The following NKAIN3 variants were observed in gnomAD, a reference collection of about 807,000 sequenced individuals.
The protein encoded by NKAIN3 is sodium/potassium transporting ATPase interacting 3, also known as sodium/potassium-transporting ATPase subunit beta-1-interacting protein 3.
In NKAIN3, 25 loss-of-function variants were observed where a neutral mutation model predicts 30.2. The observed-to-expected ratio is 0.83, with a 90% CI of 0.60 to 1.16. NKAIN3 has a LOEUF of 1.16. Among genes scored for constraint, NKAIN3 ranks in the 50% most tolerant of loss-of-function variants. The pLI, the probability that NKAIN3 is intolerant of heterozygous loss-of-function variation, is 0.00. For missense variants in NKAIN3, 225 were observed against 254.1 expected (o/e 0.89, Z 0.78); for synonymous variants, 91 against 89.6 (o/e 1.02, Z -0.09).
chr8:62,530,014 T>A, intron 1 of NKAIN3, among the ~76,000 whole-genome samples: 1 of 152,172 alleles, frequency 6.6e-6, no homozygotes, highest in East Asian at 1.9e-4. Flanking sequence ...CTGACTCAGT[T>A]TGGTTACTCT....
chr8:62,657,241 A>G (rs1812788039), intron 3 of NKAIN3, among the ~76,000 whole-genome samples: 1 of 152,214 alleles, frequency 6.6e-6, no homozygotes, highest in Non-Finnish European at 1.5e-5. Flanking sequence ...TCATAAGTAT[A>G]CAATAAAACT....
chr8:62,970,073 A>T lies in NKAIN3; in HGVS notation c.*4666A>T, dbSNP rs1465406652. ...ACAAAAAATACCTAAAAAAAAATTT[A>T]AATTAGCCAAGCATGGTGGCATGTA... On this transcript the variant is annotated 3_prime_UTR_variant, in exon 7 of 7. Transcript: ENST00000623646. Among the ~76,000 whole-genome samples, 1 of 152,060 alleles carries T rather than the reference A, an allele frequency of 6.6e-6. No homozygotes were observed. The highest frequency in any genetic ancestry group is 1.5e-5 in the Non-Finnish European group (1 of 68,014).
intron 4 of NKAIN3, among the ~76,000 whole-genome samples, chr8:62,830,832 A>G (rs1364813897): frequency 6.6e-6 from 1 of 152,194 alleles, no homozygotes; most frequent in Non-Finnish European, 1.5e-5. Flanking sequence ...CACACGTCTC[A>G]GTGCTTAGTG....
At chr8:62,551,311 T>A (rs1425773219) in intron 1 of NKAIN3, among the ~76,000 whole-genome samples, 3 of 152,130 alleles carry the variant, frequency 2.0e-5, no homozygotes, top group Non-Finnish European at 2.9e-5. Flanking sequence ...ACTTCTGTAA[T>A]CTGAACAGTC....
intron 1 of NKAIN3, among the ~76,000 whole-genome samples, chr8:62,265,206 G>C (rs1258622664): frequency 6.6e-6 from 1 of 152,122 alleles, no homozygotes; most frequent in Non-Finnish European, 1.5e-5. Context: ...GAGAGTACAC[G>C]TATCCTTCTT....
chr8:62,892,147 T>G (rs896909013), intron 4 of NKAIN3, among the ~76,000 whole-genome samples: 4 of 152,200 alleles, frequency 2.6e-5, no homozygotes, highest in African/African-American at 9.7e-5. Flanking sequence ...ATACAACCAT[T>G]TAATTACTTT....
At chr8:62,527,421 A>G (rs1808338837) in intron 1 of NKAIN3, among the ~76,000 whole-genome samples, 1 of 152,222 alleles carries the variant, frequency 6.6e-6, no homozygotes. Context: ...TCAGGACAAC[A>G]GACCAGATAA....
intron 1 of NKAIN3, among the ~76,000 whole-genome samples, chr8:62,304,980 T>C (rs1164497632): frequency 2.0e-5 from 3 of 150,542 alleles, no homozygotes; most frequent in East Asian, 1.9e-4. Context: ...TCATTAGCTA[T>C]GTCACCTTGG....
chr8:62,280,735 G>A (rs189802585), intron 1 of NKAIN3, among the ~76,000 whole-genome samples: 222 of 152,202 alleles, frequency 1.5e-3, no homozygotes, highest in African/African-American at 4.9e-3. Flanking sequence ...CAACTTGATC[G>A]TGGTGGATAA....
intron 3 of NKAIN3, among the ~76,000 whole-genome samples, chr8:62,630,186 G>A (rs1027130667): frequency 1.3e-5 from 2 of 152,030 alleles, no homozygotes; most frequent in African/African-American, 4.8e-5. Context: ...ATAGAGTTCA[G>A]TACTATTCTC....
At chr8:62,255,023 A>G (rs925576543) in intron 1 of NKAIN3, among the ~76,000 whole-genome samples, 6 of 152,224 alleles carry the variant, frequency 3.9e-5, no homozygotes, top group East Asian at 3.8e-4. Context: ...TTCGTCCTCT[A>G]AAAAGATACA....
chr8:62,397,742 G>A (rs991769167), intron 1 of NKAIN3, among the ~76,000 whole-genome samples: 8 of 152,108 alleles, frequency 5.3e-5, no homozygotes, highest in East Asian at 3.9e-4. Context: ...CCCTGGAGTC[G>A]GCGCTACGGC....
intron 3 of NKAIN3, among the ~76,000 whole-genome samples, chr8:62,715,450 A>G (rs927489534): frequency 6.6e-6 from 1 of 152,200 alleles, no homozygotes; most frequent in Non-Finnish European, 1.5e-5. Flanking sequence ...ATTCAAATGT[A>G]ACTGAGAATG....
rs1824120948 is a variant in NKAIN3 at position 62,983,065 on chromosome 8, C to T, written c.*17658C>T. ...GTTTCACTGCAGGTAGCTACCATAC[C>T]AGCATTTGGTAAACTAGCTCCCTAG... On this transcript the variant is annotated 3_prime_UTR_variant, in exon 7 of 7. Coordinates refer to ENST00000623646, the MANE Select transcript of NKAIN3 (RefSeq NM_001304533.3). 6.6e-6 allele frequency: 1 copy of T among 152,134 alleles called. No homozygotes were observed. The highest frequency in any genetic ancestry group is 1.5e-5 in the Non-Finnish European group (1 of 68,040). The allele number at this position is 152,134 out of a possible 1,614,324, so 9.4% of individuals were successfully genotyped here.
intron 5 of NKAIN3, among the ~76,000 whole-genome samples, chr8:62,949,443 T>C (rs1390439090): frequency 6.6e-6 from 1 of 152,246 alleles, no homozygotes; most frequent in African/African-American, 2.4e-5. Flanking sequence ...CCTTCAGTTC[T>C]GTGAGAATCC....
At chr8:62,960,432 G>A (rs1182939257) in intron 6 of NKAIN3, among the ~76,000 whole-genome samples, 2 of 151,920 alleles carry the variant, frequency 1.3e-5, no homozygotes, top group African/African-American at 4.8e-5. Flanking sequence ...TCAGAACTTT[G>A]CTGGGTATTT....
At chr8:62,318,061 T>C (rs192796437) in intron 1 of NKAIN3, among the ~76,000 whole-genome samples, 256 of 152,338 alleles carry the variant, frequency 1.7e-3, no homozygotes, top group African/African-American at 5.7e-3. Flanking sequence ...AATTTACTCA[T>C]GATTTGGCTC....
chr8:62,321,870 A>G (rs1814929784), intron 1 of NKAIN3, among the ~76,000 whole-genome samples: 1 of 152,162 alleles, frequency 6.6e-6, no homozygotes, highest in Non-Finnish European at 1.5e-5. Context: ...AGACAGGGAC[A>G]TTTAAGTCTG....
At chr8:62,619,855 C>A (rs1811570484) in intron 3 of NKAIN3, among the ~76,000 whole-genome samples, 1 of 152,224 alleles carries the variant, frequency 6.6e-6, no homozygotes, top group South Asian at 2.1e-4. Flanking sequence ...AATCAACACC[C>A]TTGTAAAATA....
Sources: gnomAD v4.1 joint callset for allele counts (sites outside exome capture counted in the v4.1 genomes callset) on GRCh38, gnomAD v4.1.1 for gene constraint, MANE v1.5 for transcripts, NCBI Gene and HGNC (gene_info 2026-07-23, HGNC 2026-07-21) for gene names.